Variants in GRM7 observed in about 807,000 individuals in gnomAD.
GRM7 encodes glutamate metabotropic receptor 7.
A neutral mutation model predicts 84.5 loss-of-function variants in GRM7; 35 were observed. That is an observed-to-expected ratio of 0.41 (90% CI 0.32 to 0.55). The LOEUF (loss-of-function observed/expected upper bound fraction) is 0.55, where lower values mean the gene tolerates loss of function less well. GRM7 is among the 20% of genes least tolerant of loss of function. GRM7 has a pLI of 0.19. For missense variants in GRM7, 1,003 were observed against 1,194.6 expected, an observed-to-expected ratio of 0.84 and a Z score of 2.36; for synonymous variants, 487 against 455.1, an observed-to-expected ratio of 1.07 and a Z score of -0.89.
At chr3:7,174,170 C>G (rs1417188618) in intron 2 of GRM7, among the ~76,000 whole-genome samples, 1 of 152,108 alleles carries the variant, frequency 6.6e-6, no homozygotes, top group African/African-American at 2.4e-5. Flanking sequence ...ACTTAAAAAA[C>G]TTAGTGATGG....
At chr3:7,701,197 A>C (rs1701213070) in intron 9 of GRM7, among the ~76,000 whole-genome samples, 3 of 152,104 alleles carry the variant, frequency 2.0e-5, no homozygotes, top group Admixed American at 2.0e-4. Flanking sequence ...CAGGCTGCCC[A>C]GTCTGTCTCC....
At chr3:7,617,274 G>A (rs1056947969) in intron 8 of GRM7, among the ~76,000 whole-genome samples, 5 of 152,132 alleles carry the variant, frequency 3.3e-5, no homozygotes, top group Non-Finnish European at 5.9e-5. Context: ...TCATGCATAT[G>A]AGAAAGTTTG....
rs566158026 is a variant in GRM7, at chr3:7,570,040, G to C, written c.1516-8382G>C. ...TTTTTAAAACCATCAGATCTCATGA[G>C]ACTCATTCACTATCACAAGAACAGC... On this transcript the variant is annotated intron_variant, in intron 7 of 9. Transcript: ENST00000357716. Among the ~76,000 whole-genome samples, 105 of 152,222 alleles carry C rather than the reference G, an allele frequency of 6.9e-4. 1 individual carries two copies. In the South Asian group the frequency reaches 0.016, roughly 23 times the overall value.
chr3:7,472,185 C>A (rs528678773), intron 7 of GRM7, among the ~76,000 whole-genome samples: 40 of 152,296 alleles, frequency 2.6e-4, no homozygotes, highest in African/African-American at 8.9e-4. Flanking sequence ...GTGCAGGCAG[C>A]CTGAGGCTCT....
chr3:7,627,317 C>T (rs1003921310), intron 8 of GRM7, among the ~76,000 whole-genome samples: 1 of 152,116 alleles, frequency 6.6e-6, no homozygotes, highest in East Asian at 1.9e-4. Flanking sequence ...AAAATGTTAC[C>T]TGGAGTACAA....
At chr3:7,465,383 C>A (rs1698421017) in intron 7 of GRM7, among the ~76,000 whole-genome samples, 2 of 151,924 alleles carry the variant, frequency 1.3e-5, no homozygotes, top group Admixed American at 6.6e-5. Flanking sequence ...CTGTTGACAC[C>A]TTTTATTGTG....
chr3:7,514,510 A>T (rs1322801194), intron 7 of GRM7, among the ~76,000 whole-genome samples: 1 of 152,206 alleles, frequency 6.6e-6, no homozygotes, highest in Non-Finnish European at 1.5e-5. Context: ...TAAAAACCAG[A>T]TGTAGGCTCT....
At chr3:7,196,976 C>T (rs1213935786) in intron 2 of GRM7, among the ~76,000 whole-genome samples, 2 of 152,086 alleles carry the variant, frequency 1.3e-5, no homozygotes, top group Non-Finnish European at 2.9e-5. Context: ...CAATTTGAAA[C>T]ACTTTAATAG....
chr3:7,068,389 A>T (rs929416814), intron 1 of GRM7, among the ~76,000 whole-genome samples: 1 of 152,082 alleles, frequency 6.6e-6, no homozygotes. Context: ...TGCTCAGGTC[A>T]ATAAAGGCCT....
chr3:7,047,794 C>G lies in GRM7; in HGVS notation c.520-98658C>G, dbSNP rs144729011. 4.3e-3 allele frequency among the ~76,000 whole-genome samples: 650 copies of G among 152,132 alleles called. 2 individuals are homozygous for G. The highest frequency in any genetic ancestry group is 0.01 in the Middle Eastern group (3 of 294). On this transcript the variant is annotated intron_variant, in intron 1 of 9. Coordinates refer to ENST00000357716, the MANE Select transcript of GRM7 (RefSeq NM_000844.4). Reference sequence around the variant, plus strand: ...CAGAGACTTTTGGGTCAGCATTATCCTAAAGCTTGAGTAATCTTTCAGAGA... The same window carrying G: ...CAGAGACTTTTGGGTCAGCATTATCGTAAAGCTTGAGTAATCTTTCAGAGA...
intron 8 of GRM7, among the ~76,000 whole-genome samples, chr3:7,589,161 C>T (rs1695659283): frequency 1.3e-5 from 2 of 152,228 alleles, no homozygotes; most frequent in Non-Finnish European, 2.9e-5. Flanking sequence ...CCTGGTGTTA[C>T]ACCAAATGCC....
chr3:7,276,888 A>G (rs888466124), intron 2 of GRM7, among the ~76,000 whole-genome samples: 2 of 150,218 alleles, frequency 1.3e-5, no homozygotes, highest in Admixed American at 1.3e-4. Context: ...AGTTGTTACT[A>G]CTATCATTTT....
chr3:7,688,584 C>T lies in GRM7; in HGVS notation c.2698+8289C>T, dbSNP rs1011129182. 1.4e-4 allele frequency among the ~76,000 whole-genome samples: 22 copies of T among 152,184 alleles called. 2 individuals are homozygous for T. Among genetic ancestry groups the T allele is most frequent in the Non-Finnish European group, 2.6e-4 (18 of 67,996 alleles). On this transcript the variant is annotated intron_variant, in intron 9 of 9. Coordinates refer to ENST00000357716, the MANE Select transcript of GRM7 (RefSeq NM_000844.4). ...TTAAGTTACATTAACTCAAGGAACA[C>T]GTGATTTACTTGTTCAGGTCAGTAA... is the stretch of plus-strand genomic sequence containing the variant.
At chr3:7,184,239 T>C (rs1695440274) in intron 2 of GRM7, among the ~76,000 whole-genome samples, 1 of 152,108 alleles carries the variant, frequency 6.6e-6, no homozygotes, top group Non-Finnish European at 1.5e-5. Context: ...TATTCCCTTC[T>C]CCGAAAAAGT....
intron 2 of GRM7, among the ~76,000 whole-genome samples, chr3:7,269,075 G>A (rs1248069957): frequency 1.3e-5 from 2 of 151,986 alleles, no homozygotes; most frequent in Non-Finnish European, 2.9e-5. Flanking sequence ...ATAGCTCAAG[G>A]GCAATAAAAA....
chr3:7,539,435 G>A (rs181059893), intron 7 of GRM7, among the ~76,000 whole-genome samples: 118 of 152,162 alleles, frequency 7.8e-4, no homozygotes, highest in African/African-American at 2.7e-3. Context: ...CCAGCACTTT[G>A]GGAGGCCGAG....
At chr3:7,111,257 C>G (rs1018774830) in intron 1 of GRM7, among the ~76,000 whole-genome samples, 5 of 152,054 alleles carry the variant, frequency 3.3e-5, no homozygotes, top group African/African-American at 1.2e-4. Flanking sequence ...GACACATGGC[C>G]TCACATGCAT....
At chr3:7,545,833 AT>A (rs1481707433) in intron 7 of GRM7, among the ~76,000 whole-genome samples, 14 of 152,104 alleles carry the variant, frequency 9.2e-5, no homozygotes, top group Non-Finnish European at 2.9e-5. Context: ...AAATTTGTGT[AT>A]TTTTCTAGAG....
chr3:7,346,393 C>CT (rs1359379538), intron 4 of GRM7, among the ~76,000 whole-genome samples: 2 of 152,128 alleles, frequency 1.3e-5, no homozygotes, highest in Non-Finnish European at 2.9e-5. Flanking sequence ...GCTTACAAAG[C>CT]TGATGGCATG....
Sources: allele counts gnomAD v4.1 joint callset (sites outside exome capture counted in the v4.1 genomes callset), GRCh38; gene constraint gnomAD v4.1.1; transcripts MANE v1.5; gene names NCBI Gene and HGNC (gene_info 2026-07-23, HGNC 2026-07-21).